Variants in DHRS4 observed in about 807,000 individuals in gnomAD.
The protein encoded by DHRS4 is dehydrogenase/reductase SDR family member 4.
DHRS4 carries 20 observed loss-of-function variants against 28.4 expected under a neutral mutation model. That is an observed-to-expected ratio of 0.71 (90% CI 0.50 to 1.02). The LOEUF (loss-of-function observed/expected upper bound fraction) is 1.02. Ranked by LOEUF, DHRS4 falls within the 50% of genes least tolerant of loss-of-function variation. The probability of loss-of-function intolerance (pLI) is 0.00; values close to 1 mark genes in which losing one functional copy is unlikely to be tolerated. For missense variants in DHRS4, 378 were observed against 367.2 expected (o/e 1.03, Z -0.24); for synonymous variants, 144 against 146.4 (o/e 0.98, Z 0.12).
chr14:23,966,793 T>C (rs1446223431), intron 6 of DHRS4, among the ~76,000 whole-genome samples: 1 of 152,266 alleles, frequency 6.6e-6, no homozygotes, highest in East Asian at 1.9e-4. Flanking sequence ...TCTCTCCCCA[T>C]CCCTCCTCTC....
Position 23,956,028 on chromosome 14 carries a change from A to T in DHRS4, c.306+816A>T, listed in dbSNP as rs543466543. ...ACAGATTGGAAGGTTGGCAGAAATA[A>T]TTTGCATAATCTTAGAAGAGGAGGA... On this transcript the variant is annotated intron_variant, in intron 2 of 7. Transcript: ENST00000313250. Among the ~76,000 whole-genome samples the T allele has an allele frequency of 3.2e-4, 49 of 152,390 alleles. 2 individuals carry two copies. The South Asian group carries it at 6.4e-3, about 20-fold the overall frequency.
At chr14:23,956,277 T>C (rs2033144170) in intron 2 of DHRS4, among the ~76,000 whole-genome samples, 1 of 152,220 alleles carries the variant, frequency 6.6e-6, no homozygotes, top group Non-Finnish European at 1.5e-5. Flanking sequence ...TCTGGATCAA[T>C]TAGCACTAAC....
intron 3 of DHRS4, among the ~76,000 whole-genome samples, chr14:23,961,697 G>C (rs2033422474): frequency 1.1e-5 from 1 of 90,628 alleles, no homozygotes; most frequent in Non-Finnish European, 1.9e-5. Flanking sequence ...TTTTTGTATT[G>C]AGATGCGGTT....
At position 23,965,913 on chromosome 14, in the gene DHRS4, A is replaced by T; in HGVS notation, c.480-19A>T. ...ACTGGTCCACAATGGGAAGATGGTC[A>T]GCTCTCTTCTTTTTCCAGAGGCGGC... On this transcript the variant is annotated intron_variant, in intron 4 of 7. Transcript: ENST00000313250. 1 of 1,607,294 alleles carries T rather than the reference A, an allele frequency of 6.2e-7. No individual in the cohort carries two copies.
Position 23,958,957 on chromosome 14 carries a change from A to G in DHRS4, c.307-945A>G, listed in dbSNP as rs151203525. Among the ~76,000 whole-genome samples, 411 of 152,318 alleles carry G rather than the reference A, an allele frequency of 2.7e-3. 1 individual carries two copies. Among genetic ancestry groups the G allele is most frequent in the Admixed American group, 4.4e-3 (68 of 15,300 alleles). ...ATTTCATCATCTCCACCTTAAGGAC[A>G]CTGGAATAGATGATCTCAAAGGCCC... On this transcript the variant is annotated intron_variant, in intron 2 of 7. Coordinates refer to ENST00000313250, the MANE Select transcript of DHRS4 (RefSeq NM_021004.4).
At chr14:23,957,642 G>A (rs1486215466) in intron 2 of DHRS4, among the ~76,000 whole-genome samples, 2 of 148,662 alleles carry the variant, frequency 1.3e-5, no homozygotes, top group African/African-American at 2.5e-5. Flanking sequence ...CTGTAACCTC[G>A]AAGTCCTGAA....
intron 1 of DHRS4, 86 bp downstream of exon 1, chr14:23,954,002 C>T: frequency 6.6e-7 from 1 of 1,523,026 alleles, no homozygotes; most frequent in South Asian, 1.2e-5. Context: ...GTGCCCCTGT[C>T]CTCAGACCTT....
chr14:23,966,853 T>C (rs2033641625), intron 6 of DHRS4, among the ~76,000 whole-genome samples: 1 of 152,292 alleles, frequency 6.6e-6, no homozygotes, highest in African/African-American at 2.4e-5. Context: ...TTCACTTTCC[T>C]CTTCTTAAAC....
At chr14:23,953,967 A>C (rs1363476923) in intron 1 of DHRS4, 51 bp downstream of exon 1, 8 of 1,550,008 alleles carry the variant, frequency 5.2e-6, no homozygotes, top group Middle Eastern at 2.3e-4. Context: ...GGAAACAGGC[A>C]CTGGCCTCTC....
chr14:23,957,100 C>T (rs1341171610), intron 2 of DHRS4, among the ~76,000 whole-genome samples: 2 of 152,100 alleles, frequency 1.3e-5, no homozygotes, highest in African/African-American at 4.8e-5. Flanking sequence ...AGTGAGGAAG[C>T]TGTTGCTGTC....
At chr14:23,958,969 G>T (rs549846322) in intron 2 of DHRS4, among the ~76,000 whole-genome samples, 5 of 152,318 alleles carry the variant, frequency 3.3e-5, no homozygotes, top group Admixed American at 2.6e-4. Flanking sequence ...TGGAATAGAT[G>T]ATCTCAAAGG....
rs758513586 is a variant in DHRS4 at position 23,953,772 on chromosome 14, A to T, written c.-17A>T. 1 of 1,613,626 alleles carries T rather than the reference A, an allele frequency of 6.2e-7. No individual in the cohort carries two copies. The highest frequency in any genetic ancestry group is 1.7e-5 in the Admixed American group (1 of 60,018). On this transcript the variant is annotated 5_prime_UTR_variant, in exon 1 of 8. Transcript: ENST00000313250. ...CGCCCCTGGGAAGAGTGGAACCCATACTTGCTGGTCTGATCCATGCACAAG... is the reference window on the plus strand; with the variant it reads ...CGCCCCTGGGAAGAGTGGAACCCATTCTTGCTGGTCTGATCCATGCACAAG...
Position 23,968,956 on chromosome 14 carries a change from T to C in DHRS4, c.*85T>C. On this transcript the variant is annotated 3_prime_UTR_variant, in exon 8 of 8. Coordinates refer to ENST00000313250, the MANE Select transcript of DHRS4 (RefSeq NM_021004.4). Reference sequence around the variant, plus strand: ...TTCACCCACTGGCCTTTCCCACCTCTGCTCACCTTACTGTTCACCTCATCA... The same window carrying C: ...TTCACCCACTGGCCTTTCCCACCTCCGCTCACCTTACTGTTCACCTCATCA... 1 of 1,544,948 alleles carries C rather than the reference T, an allele frequency of 6.5e-7. No individual in the cohort carries two copies. Among genetic ancestry groups the C allele is most frequent in the East Asian group, 2.4e-5 (1 of 42,274 alleles).
At chr14:23,964,354 G>A (rs1782741690) in intron 3 of DHRS4, among the ~76,000 whole-genome samples, 1 of 147,594 alleles carries the variant, frequency 6.8e-6, no homozygotes, top group African/African-American at 2.5e-5. Flanking sequence ...AAACATAATG[G>A]CTGATCCTTG....
intron 7 of DHRS4, 54 bp downstream of exon 7, chr14:23,967,320 G>A (rs1429415368): frequency 1.3e-6 from 2 of 1,582,540 alleles, no homozygotes; most frequent in South Asian, 1.1e-5. Flanking sequence ...GGAAGGTCTG[G>A]TCCCTAGCAG....
At chr14:23,957,983 G>C (rs1274508271) in intron 2 of DHRS4, among the ~76,000 whole-genome samples, 1 of 151,508 alleles carries the variant, frequency 6.6e-6, no homozygotes, top group Non-Finnish European at 1.5e-5. Flanking sequence ...GGTGATTCTA[G>C]AGCAATCCAT....
intron 2 of DHRS4, among the ~76,000 whole-genome samples, chr14:23,958,015 C>T (rs1395852162): frequency 6.6e-6 from 1 of 151,898 alleles, no homozygotes; most frequent in Non-Finnish European, 1.5e-5. Flanking sequence ...AGCCCAAACA[C>T]ATGTGTACTG....
chr14:23,958,079 C>T (rs2033248063), intron 2 of DHRS4, among the ~76,000 whole-genome samples: 1 of 151,984 alleles, frequency 6.6e-6, no homozygotes, highest in African/African-American at 2.4e-5. Flanking sequence ...GTAACAAGTC[C>T]ATTGGTGAGA....
intron 3 of DHRS4, among the ~76,000 whole-genome samples, chr14:23,965,560 G>A (rs984447239): frequency 1.4e-5 from 2 of 147,604 alleles, no homozygotes; most frequent in Non-Finnish European, 3.0e-5. Flanking sequence ...TGAACCTAAT[G>A]TATCAATATC....
Sources: allele counts gnomAD v4.1 joint callset (sites outside exome capture counted in the v4.1 genomes callset), GRCh38; gene constraint gnomAD v4.1.1; transcripts MANE v1.5; gene names NCBI Gene and HGNC (gene_info 2026-07-23, HGNC 2026-07-21).